Variants in C14orf39 observed in about 807,000 individuals in gnomAD.
C14orf39 encodes chromosome 14 open reading frame 39.
Under a neutral mutation model 85.6 loss-of-function variants are expected in C14orf39, and 66 were observed. The observed-to-expected ratio is 0.77, with a 90% CI of 0.63 to 0.95. The LOEUF (loss-of-function observed/expected upper bound fraction) is 0.95, where lower values mean the gene tolerates loss of function less well. C14orf39 is among the 40% of genes least tolerant of loss of function. The pLI is 0.00. For missense variants in C14orf39, 735 were observed against 663.9 expected, an observed-to-expected ratio of 1.11 and a Z score of -1.18; for synonymous variants, 242 against 214.0, an observed-to-expected ratio of 1.13 and a Z score of -1.14.
Position 60,480,099 on chromosome 14 carries a change from C to T in C14orf39, c.234-1710G>A, listed in dbSNP as rs143475934. ...AATTAAAACCAAAATAAGATATTAC[C>T]TCACTCCTGTTAGAATGGCTGTTAT... On this transcript the variant is annotated intron_variant, in intron 4 of 17. Transcript: ENST00000321731. Among the ~76,000 whole-genome samples, 5 of 152,180 alleles carry T rather than the reference C, an allele frequency of 3.3e-5. No homozygotes were observed. The East Asian group carries it at 9.6e-4, about 29-fold the overall frequency.
intron 16 of C14orf39, among the ~76,000 whole-genome samples, chr14:60,447,005 C>G (rs1890796035): frequency 6.6e-6 from 1 of 152,170 alleles, no homozygotes; most frequent in Admixed American, 6.5e-5. Context: ...AACACCCCTT[C>G]AAGCTAAAAA....
chr14:60,437,171 A>G (rs1459076644), intron 17 of C14orf39, 124 bp from the exon 18 acceptor site: 2 of 651,204 alleles, frequency 3.1e-6, no homozygotes, highest in African/African-American at 1.9e-5. Flanking sequence ...ACACAGGAAT[A>G]CAGGTATTTA....
intron 16 of C14orf39, among the ~76,000 whole-genome samples, chr14:60,453,603 T>C (rs1461861302): frequency 1.3e-5 from 2 of 151,888 alleles, no homozygotes; most frequent in African/African-American, 4.8e-5. Flanking sequence ...ATGATTTTTT[T>C]ACTGTGTGTA....
rs1890242995 is a variant in C14orf39 at position 60,436,209 on chromosome 14, C to A, written c.*636G>T. ...AATATTAACAGGATCACCACTGATA[C>A]AACAATCCAATTTTCAGAAATTACT... On this transcript the variant is annotated 3_prime_UTR_variant, in exon 18 of 18. Transcript: ENST00000321731. 1 of 151,960 alleles carries A rather than the reference C, an allele frequency of 6.6e-6. No homozygotes were observed. Among genetic ancestry groups the A allele is most frequent in the Non-Finnish European group, 1.5e-5 (1 of 67,972 alleles). The allele number at this position is 151,960 out of a possible 1,614,324, so 9.4% of individuals were successfully genotyped here.
chr14:60,449,828 T>G (rs527496860), intron 16 of C14orf39, among the ~76,000 whole-genome samples: 2 of 152,362 alleles, frequency 1.3e-5, no homozygotes, highest in African/African-American at 4.8e-5. Context: ...ATTATGTAAT[T>G]ATTAGCTAAA....
At chr14:60,443,996 C>A (rs1380821400) in intron 16 of C14orf39, among the ~76,000 whole-genome samples, 1 of 152,100 alleles carries the variant, frequency 6.6e-6, no homozygotes, top group African/African-American at 2.4e-5. Context: ...AAAGGAATAG[C>A]ATCAACATCA....
At chr14:60,508,181 G>C (rs1893232428) in intron 1 of C14orf39, among the ~76,000 whole-genome samples, 1 of 152,316 alleles carries the variant, frequency 6.6e-6, no homozygotes. Flanking sequence ...CAAGGTTAGA[G>C]TTGTTATCCC....
chr14:60,443,496 G>A (rs919937952), intron 16 of C14orf39, among the ~76,000 whole-genome samples: 1 of 152,212 alleles, frequency 6.6e-6, no homozygotes, highest in Non-Finnish European at 1.5e-5. Flanking sequence ...GCTGAGGCTT[G>A]AGTAGGTAAA....
chr14:60,455,229 G>T, intron 15 of C14orf39, 84 bp from the exon 16 acceptor site: 1 of 961,096 alleles, frequency 1.0e-6, no homozygotes, highest in Non-Finnish European at 1.5e-6. Context: ...ACAGCATAGA[G>T]GTGAGAATTA....
chr14:60,470,005 G>A (rs1205082614), intron 7 of C14orf39, among the ~76,000 whole-genome samples: 1 of 138,378 alleles, frequency 7.2e-6, no homozygotes, highest in African/African-American at 2.6e-5. Context: ...ACATAATTCA[G>A]GCCCAAATTT....
At chr14:60,453,759 C>T (rs1383060655) in intron 16 of C14orf39, among the ~76,000 whole-genome samples, 1 of 151,754 alleles carries the variant, frequency 6.6e-6, no homozygotes, top group Non-Finnish European at 1.5e-5. Context: ...TGCCAATCTC[C>T]TTCCCCAATC....
chr14:60,487,516 TATC>T (rs1365621607), upstream of C14orf39, among the ~76,000 whole-genome samples: 5 of 152,200 alleles, frequency 3.3e-5, no homozygotes, highest in African/African-American at 7.2e-5. Context: ...TGTGTGTGTT[TATC>T]CATTCATTGA....
rs1454905168 is a variant in C14orf39 at position 60,485,047 on chromosome 14, C to A, written c.32G>T (p.Arg11Ile). The A allele has an allele frequency of 1.9e-6, 3 of 1,609,104 alleles. No individual in the cohort carries two copies. In the Admixed American group the frequency reaches 5.1e-5, roughly 27 times the overall value. Residue 11 changes from arginine (R) to isoleucine (I), a missense_variant, in exon 2 of 18, where the codon AGA (arginine) becomes ATA (isoleucine). Arg to Ile is a moderately conservative substitution (Grantham distance 97). Coordinates refer to ENST00000321731, the MANE Select transcript of C14orf39 (RefSeq NM_174978.3). Reference sequence around the variant, plus strand: ...ATACCTACCAAATTCTAGCAAAAGTCTGTCCAAACTGACAAACAGGCTGTC... The same window carrying A: ...ATACCTACCAAATTCTAGCAAAAGTATGTCCAAACTGACAAACAGGCTGTC... MNDSLFVSLD[R>I]LLLEFVFQYE...
rs758248760 is a variant in C14orf39, at chr14:60,457,005, T to A, written c.1270A>T (p.Ile424Phe). Residue 424 changes from isoleucine (I) to phenylalanine (F), a missense_variant, in exon 15 of 18, where the codon ATT (isoleucine) becomes TTT (phenylalanine). By Grantham distance (21) the Ile-to-Phe change is conservative. Coordinates refer to ENST00000321731, the MANE Select transcript of C14orf39 (RefSeq NM_174978.3). ...RAENFPRTSE[I>F]PIFLGTPKAV... ...TTGGGAGTTCCTAAAAATATAGGAA[T>A]TTCAGACGTTCGTGGAAAATTCTCA... 6.2e-7 allele frequency: 1 copy of A among 1,611,286 alleles called. No individual in the cohort carries two copies. The highest frequency in any genetic ancestry group is 8.5e-7 in the Non-Finnish European group (1 of 1,178,588).
rs184061088 is a variant in C14orf39, at chr14:60,494,161, T to C, written c.-9+5135A>G. 312 of 311,674 alleles carry C rather than the reference T, an allele frequency of 1.0e-3. 1 individual carries two copies. The highest frequency in any genetic ancestry group is 2.2e-3 in the Middle Eastern group (4 of 1,844). 19.3% of individuals were successfully genotyped at this position (311,674 alleles called of 1,614,324 possible). A position where few individuals can be genotyped will look rare whatever the true frequency, so the allele number is the denominator to read the frequency against. On this transcript the variant is annotated intron_variant, in intron 2 of 5. Transcript: ENST00000556799. The stretch of plus-strand genomic sequence containing the variant: ...GGGGCCAGAATTTCCTTGGGAAACA[T>C]TTCTGAGACTCTTTCCATTCATATC...
chr14:60,509,736 A>G, intron 1 of C14orf39: 2 of 1,613,716 alleles, frequency 1.2e-6, no homozygotes, highest in Non-Finnish European at 1.7e-6. Flanking sequence ...GTGGACAAGT[A>G]CCGAGTAAGG....
chr14:60,514,660 T>C (rs1034151106), intron 1 of C14orf39, among the ~76,000 whole-genome samples: 2 of 152,204 alleles, frequency 1.3e-5, no homozygotes, highest in African/African-American at 4.8e-5. Flanking sequence ...GCTTGCTCTT[T>C]GTTTACATTA....
rs150828406 is a variant in C14orf39, at chr14:60,473,836, T to G, written c.324-2097A>C. ...TAGTATAGTTTGAAGTCAGGTAGTG[T>G]GATGCCTCCAGCTTTGTTCTTTTGG... On this transcript the variant is annotated intron_variant, in intron 5 of 17. Coordinates refer to ENST00000321731, the MANE Select transcript of C14orf39 (RefSeq NM_174978.3). Among the ~76,000 whole-genome samples the G allele has an allele frequency of 5.8e-3, 886 of 152,300 alleles. 2 individuals are homozygous for G. Among genetic ancestry groups the G allele is most frequent in the African/African-American group, 0.018 (760 of 41,538 alleles).
chr14:60,495,244 TC>T, intron 2 of C14orf39: 1 of 215,158 alleles, frequency 4.6e-6, no homozygotes. Context: ...GGTGGACTTG[TC>T]AATGTTCTCC....
Sources: allele counts gnomAD v4.1 joint callset (sites outside exome capture counted in the v4.1 genomes callset), GRCh38; gene constraint gnomAD v4.1.1; transcripts MANE v1.5; gene names NCBI Gene and HGNC (gene_info 2026-07-23, HGNC 2026-07-21).